GGA2: variants seen among roughly 807,000 people sequenced by gnomAD.
The protein encoded by GGA2 is golgi associated, gamma adaptin ear containing, ARF binding protein 2.
Under a neutral mutation model 79.5 loss-of-function variants are expected in GGA2, and 48 were observed. The ratio of observed to expected loss-of-function variants is 0.60; its 90% CI spans 0.48 to 0.77. The LOEUF is 0.77. GGA2 is among the 30% of genes least tolerant of loss of function. The probability of loss-of-function intolerance (pLI) is 0.00; values close to 1 mark genes in which losing one functional copy is unlikely to be tolerated. For missense variants in GGA2, 770 were observed against 774.0 expected (o/e 0.99, Z 0.06); for synonymous variants, 317 against 302.0 (o/e 1.05, Z -0.51).
In GGA2 at chr16:23,466,868, G is replaced by C. The variant is rs147307607; in HGVS notation, c.*722C>G. 1.3e-5 allele frequency: 2 copies of C among 152,956 alleles called. No individual in the cohort carries two copies. The highest frequency in any genetic ancestry group is 3.9e-4 in the East Asian group (2 of 5,184). 9.5% of individuals were successfully genotyped at this position (152,956 alleles called of 1,614,324 possible). A position where few individuals can be genotyped will look rare whatever the true frequency, so the allele number is the denominator to read the frequency against. On this transcript the variant is annotated 3_prime_UTR_variant, in exon 17 of 17. Transcript: ENST00000309859. ...CCCATGGACCTGAGGCCTGAGTAAG[G>C]CCTGGGAGCTGCTTTCCCCTCTGCC...
intron 8 of GGA2, among the ~76,000 whole-genome samples, chr16:23,483,801 C>A (rs1490927396): frequency 6.6e-6 from 1 of 151,758 alleles, no homozygotes. Context: ...GCATGCGCCA[C>A]CACGCCCGGC....
At chr16:23,498,264 G>A (rs189894414) in intron 1 of GGA2, among the ~76,000 whole-genome samples, 44 of 151,386 alleles carry the variant, frequency 2.9e-4, no homozygotes, top group African/African-American at 9.7e-4. Flanking sequence ...TGGGTGACAA[G>A]GTGAGACTCT....
chr16:23,505,102 T>C (rs1964959610), intron 1 of GGA2, among the ~76,000 whole-genome samples: 1 of 152,162 alleles, frequency 6.6e-6, no homozygotes, highest in Non-Finnish European at 1.5e-5. Context: ...CAGTCCACGC[T>C]GCAGGGGGAC....
At chr16:23,510,975 C>G (rs935516276), upstream of GGA2, among the ~76,000 whole-genome samples, 6 of 129,994 alleles carry the variant, frequency 4.6e-5, no homozygotes, top group African/African-American at 1.8e-4. Context: ...CCATGTTGCC[C>G]GGGTGGTCTC....
chr16:23,476,376 T>C (rs1020433304), intron 13 of GGA2, among the ~76,000 whole-genome samples: 1 of 152,132 alleles, frequency 6.6e-6, no homozygotes, highest in Non-Finnish European at 1.5e-5. Context: ...AAGCTGCACT[T>C]TTCCAGAGGC....
intron 15 of GGA2, chr16:23,469,310 T>G (rs557423138): frequency 3.6e-6 from 1 of 277,600 alleles, no homozygotes; most frequent in Non-Finnish European, 7.2e-6. Context: ...ACTAGCTCTG[T>G]GACCTTGAGT....
chr16:23,486,139 G>T lies in GGA2; in HGVS notation c.674C>A (p.Ser225Ter). 6.2e-7 allele frequency: 1 copy of T among 1,613,748 alleles called. No homozygotes were observed. Among genetic ancestry groups the T allele is most frequent in the Non-Finnish European group, 8.5e-7 (1 of 1,179,716 alleles). The change falls in exon 8 of 17, where the codon TCG (serine) becomes TAG (stop). Residue 225 changes from serine to a stop codon, truncating the protein, a stop_gained. Transcript: ENST00000309859. LOFTEE classifies it high-confidence loss of function. Reference protein sequence around the residue: ...KNLVKEEQEKSEKVSKRVSAV... With the variant: ...KNLVKEEQEK ...ACTGACCCTCTTGGACACCTTCTCC[G>T]ATTTTTCTTGTTCCTTTTGGGAAAA...
At chr16:23,501,280 T>C in intron 1 of GGA2, 1 of 456,536 alleles carries the variant, frequency 2.2e-6, no homozygotes, top group Non-Finnish European at 4.4e-6. Flanking sequence ...TGTGTCCTAC[T>C]AATTGGAAAA....
At position 23,510,372 on chromosome 16, in the gene GGA2, C is replaced by A; in HGVS notation, c.40G>T (p.Glu14Ter). 1 of 1,414,422 alleles carries A rather than the reference C, an allele frequency of 7.1e-7. No individual in the cohort carries two copies. The highest frequency in any genetic ancestry group is 2.6e-5 in the Admixed American group (1 of 37,764). 87.6% of individuals were successfully genotyped at this position (1,414,422 alleles called of 1,614,324 possible). Residue 14 changes from glutamate to a stop codon, truncating the protein, a stop_gained, in exon 1 of 17, where the codon GAG becomes TAG. Transcript: ENST00000309859. LOFTEE classifies it high-confidence loss of function. ...TAVAAAVAGT[E>*]SAQGPPGPAA... ...GGGCCCGGGGGACCCTGGGCCGACT[C>A]GGTTCCCGCCACAGCCGCCGCCACC...
rs896336658 is a variant in GGA2 at position 23,464,494 on chromosome 16, G to C, written c.*3096C>G. ...CTGTCAGATGCTCAGATTTGCTAGAGAACTCTGGTAGTGGCAAGAACCAGA... is the reference window on the plus strand; with the variant it reads ...CTGTCAGATGCTCAGATTTGCTAGACAACTCTGGTAGTGGCAAGAACCAGA... On this transcript the variant is annotated 3_prime_UTR_variant, in exon 17 of 17. Transcript: ENST00000309859. 1.3e-5 allele frequency: 2 copies of C among 151,638 alleles called. No individual in the cohort carries two copies. Among genetic ancestry groups the C allele is most frequent in the Admixed American group, 6.6e-5 (1 of 15,188 alleles). The allele number at this position is 151,638 out of a possible 1,614,324, so 9.4% of individuals were successfully genotyped here.
chr16:23,485,130 A>T (rs1964695849), intron 8 of GGA2, among the ~76,000 whole-genome samples: 1 of 152,222 alleles, frequency 6.6e-6, no homozygotes, highest in African/African-American at 2.4e-5. Flanking sequence ...GAAGCCAGAC[A>T]CGAAAGCCCA....
intron 9 of GGA2, among the ~76,000 whole-genome samples, chr16:23,481,491 G>A (rs960561323): frequency 6.6e-6 from 1 of 152,238 alleles, no homozygotes; most frequent in African/African-American, 2.4e-5. Context: ...AAGGAAAAAA[G>A]GCTGTGTGTG....
chr16:23,468,919 T>A lies in GGA2; in HGVS notation c.1698A>T (p.Ile566=), dbSNP rs769550020. The A allele has an allele frequency of 3.7e-6, 6 of 1,609,946 alleles. No individual in the cohort carries two copies. In the South Asian group the frequency reaches 6.6e-5, roughly 18 times the overall value. The change falls in exon 16 of 17, where the codon ATA becomes ATT. Residue 566 remains isoleucine (I), a synonymous_variant. Transcript: ENST00000309859. ...AFSPLMPPAV[I]SQMLLLDNPH... ...GATTGTCAAGCAGCAGCATCTGAGA[T>A]ATCACAGCTGGAGGCATCAAAGGAC...
At chr16:23,521,179 G>A (rs568923006) in intron 1 of GGA2, among the ~76,000 whole-genome samples, 2 of 152,088 alleles carry the variant, frequency 1.3e-5, no homozygotes, top group East Asian at 3.9e-4. Flanking sequence ...ACAGTTCAGC[G>A]GCATTACGTA....
At chr16:23,497,810 C>T (rs1005908012) in intron 1 of GGA2, among the ~76,000 whole-genome samples, 2 of 152,180 alleles carry the variant, frequency 1.3e-5, no homozygotes, top group African/African-American at 4.8e-5. Flanking sequence ...TACTTGGACT[C>T]GCTGAGCCTC....
intron 1 of GGA2, among the ~76,000 whole-genome samples, chr16:23,504,169 A>C (rs1297061461): frequency 6.6e-6 from 1 of 152,124 alleles, no homozygotes; most frequent in East Asian, 1.9e-4. Flanking sequence ...CATCTACACC[A>C]TTTTACAGAT....
chr16:23,502,578 A>G (rs747120425), intron 1 of GGA2, among the ~76,000 whole-genome samples: 5 of 152,164 alleles, frequency 3.3e-5, no homozygotes, highest in Non-Finnish European at 5.9e-5. Context: ...TGCAACTCAC[A>G]TTTTCCAGTG....
chr16:23,469,059 AG>A, intron 15 of GGA2, 63 bp from the exon 16 acceptor site: 1 of 1,048,572 alleles, frequency 9.5e-7, no homozygotes, highest in Non-Finnish European at 1.5e-6. Context: ...GATGGAGATC[AG>A]GTGAGGGGGA....
chr16:23,490,463 G>A (rs4332751), intron 5 of GGA2, among the ~76,000 whole-genome samples: 12,772 of 152,214 alleles, frequency 0.084, 964 homozygotes, highest in African/African-American at 0.2. Context: ...AGCCGGGAGC[G>A]GTGGCTCACG....
Sources: allele counts gnomAD v4.1 joint callset (sites outside exome capture counted in the v4.1 genomes callset), GRCh38; gene constraint gnomAD v4.1.1; transcripts MANE v1.5; gene names NCBI Gene and HGNC (gene_info 2026-07-23, HGNC 2026-07-21).